Variants in CARMIL1 observed in about 807,000 individuals in gnomAD.
CARMIL1 encodes capping protein regulator and myosin 1 linker 1, also known as F-actin-uncapping protein LRRC16A.
In CARMIL1, 90 loss-of-function variants were observed where a neutral mutation model predicts 177.1. That is an observed-to-expected ratio of 0.51 (90% CI 0.43 to 0.61). The LOEUF (loss-of-function observed/expected upper bound fraction) is 0.61. Among genes scored for constraint, CARMIL1 ranks in the 20% least tolerant of loss-of-function variants. The pLI is 0.00. For synonymous variants in CARMIL1, 577 were observed against 606.2 expected (o/e 0.95, Z 0.71); for missense variants, 1,380 against 1,667.0 (o/e 0.83, Z 3.00).
At chr6:25,410,321 G>A (rs908872887) in intron 2 of CARMIL1, among the ~76,000 whole-genome samples, 1 of 152,168 alleles carries the variant, frequency 6.6e-6, no homozygotes, top group Non-Finnish European at 1.5e-5. Context: ...TGCGGCAATA[G>A]ACTTACAGTA....
intron 34 of CARMIL1, 63 bp from the exon 35 acceptor site, chr6:25,605,998 T>A: frequency 8.4e-7 from 1 of 1,187,834 alleles, no homozygotes; most frequent in Non-Finnish European, 1.2e-6. Context: ...TGTACCAGAC[T>A]TCTAGCTTCA....
chr6:25,378,693 A>C (rs553941910), intron 2 of CARMIL1, among the ~76,000 whole-genome samples: 1 of 152,202 alleles, frequency 6.6e-6, no homozygotes, highest in East Asian at 1.9e-4. Flanking sequence ...CAGGTTCCCC[A>C]GTAGGAGTGC....
chr6:25,427,765 G>C (rs970462912), intron 4 of CARMIL1, among the ~76,000 whole-genome samples: 7 of 152,146 alleles, frequency 4.6e-5, no homozygotes, highest in Non-Finnish European at 1.0e-4. Context: ...AGTATGTAGT[G>C]CTTTTTCATT....
At chr6:25,602,810 C>A (rs1011285878) in intron 33 of CARMIL1, among the ~76,000 whole-genome samples, 1 of 152,082 alleles carries the variant, frequency 6.6e-6, no homozygotes, top group Non-Finnish European at 1.5e-5. Context: ...ATAAGTAATT[C>A]TCTTTGCGTT....
chr6:25,453,633 C>T (rs1047451275), intron 8 of CARMIL1, among the ~76,000 whole-genome samples: 4 of 152,166 alleles, frequency 2.6e-5, no homozygotes, highest in African/African-American at 7.2e-5. Context: ...GGAGCTTGTG[C>T]CAGTGAAGAC....
At chr6:25,368,611 T>C (rs375918756) in intron 2 of CARMIL1, among the ~76,000 whole-genome samples, 50 of 152,324 alleles carry the variant, frequency 3.3e-4, no homozygotes, top group African/African-American at 1.1e-3. Context: ...ATATAACCAA[T>C]AACATAAGAC....
chr6:25,365,253 G>A (rs1335886294), intron 2 of CARMIL1, among the ~76,000 whole-genome samples: 2 of 152,182 alleles, frequency 1.3e-5, no homozygotes, highest in Non-Finnish European at 2.9e-5. Flanking sequence ...GATGGTTGTA[G>A]TATAGAGAAT....
At chr6:25,451,438 T>C (rs962010975) in intron 8 of CARMIL1, among the ~76,000 whole-genome samples, 2 of 152,208 alleles carry the variant, frequency 1.3e-5, no homozygotes, top group Non-Finnish European at 2.9e-5. Flanking sequence ...AGGGTGTATA[T>C]GTGTATGTTG....
chr6:25,412,401 G>A (rs1794981373), intron 2 of CARMIL1, among the ~76,000 whole-genome samples: 1 of 152,192 alleles, frequency 6.6e-6, no homozygotes, highest in Non-Finnish European at 1.5e-5. Context: ...GGGAAACATG[G>A]CAATACCCCA....
At chr6:25,390,784 G>T (rs1342247960) in intron 2 of CARMIL1, among the ~76,000 whole-genome samples, 1 of 152,006 alleles carries the variant, frequency 6.6e-6, no homozygotes, top group Non-Finnish European at 1.5e-5. Context: ...TCTGCCTCCT[G>T]GGTTCAAGTG....
intron 2 of CARMIL1, among the ~76,000 whole-genome samples, chr6:25,389,970 G>C (rs941976985): frequency 3.9e-5 from 6 of 151,946 alleles, no homozygotes; most frequent in African/African-American, 1.5e-4. Flanking sequence ...AGATTTTTCT[G>C]GTGGCAATTG....
intron 32 of CARMIL1, among the ~76,000 whole-genome samples, chr6:25,599,143 C>T (rs536176207): frequency 1.6e-4 from 24 of 152,252 alleles, no homozygotes; most frequent in Admixed American, 1.3e-3. Context: ...GGAGAGGATC[C>T]GATGAATTTT....
rs369222295 is a variant in CARMIL1 at position 25,619,547 on chromosome 6, C to T, written c.4080C>T (p.Ser1360=). The change falls in exon 37 of 37, where the codon TCC becomes TCT. Residue 1360 remains serine, a synonymous_variant. Transcript: ENST00000329474. The part of the protein sequence containing the change: ...DGHQGSKSND[S]GEEAEKEFIF... ...ATCAAGGCAGCAAATCTAATGACTC[C>T]GGGGAAGAAGCAGAAAAAGAGTTTA... 28 of 1,613,664 alleles carry T rather than the reference C, an allele frequency of 1.7e-5. No individual in the cohort carries two copies. The highest frequency in any genetic ancestry group is 1.1e-4 in the African/African-American group (8 of 74,870).
intron 8 of CARMIL1, among the ~76,000 whole-genome samples, chr6:25,451,596 A>C (rs1033066721): frequency 5.3e-5 from 8 of 152,106 alleles, no homozygotes; most frequent in Non-Finnish European, 1.2e-4. Flanking sequence ...CCTCAGAGAA[A>C]AGCTTCATTT....
intron 9 of CARMIL1, among the ~76,000 whole-genome samples, chr6:25,468,160 C>A (rs1276341595): frequency 1.3e-5 from 2 of 151,328 alleles, no homozygotes; most frequent in African/African-American, 4.9e-5. Flanking sequence ...TCTTATGAAG[C>A]AAATTAGCAA....
chr6:25,609,398 G>GGA (rs1816304940), intron 35 of CARMIL1, among the ~76,000 whole-genome samples: 1 of 151,522 alleles, frequency 6.6e-6, no homozygotes, highest in African/African-American at 2.4e-5. Context: ...CCCAGGAGGC[G>GGA]GAGGTTGCAG....
At chr6:25,463,819 C>CTTTTTTTTT (rs68160209) in intron 8 of CARMIL1, among the ~76,000 whole-genome samples, 6 of 108,496 alleles carry the variant, frequency 5.5e-5, no homozygotes, top group African/African-American at 1.1e-4. Flanking sequence ...AGTTGTTCTC[C>CTTTTTTTTT]TTTTTTTTTT....
intron 3 of CARMIL1, among the ~76,000 whole-genome samples, chr6:25,423,474 A>G (rs1052808527): frequency 6.6e-6 from 1 of 152,190 alleles, no homozygotes; most frequent in Non-Finnish European, 1.5e-5. Flanking sequence ...ATACTGGCCA[A>G]AAGGCTTAGC....
intron 23 of CARMIL1, among the ~76,000 whole-genome samples, chr6:25,524,534 T>C (rs1806901984): frequency 1.3e-5 from 2 of 152,202 alleles, no homozygotes; most frequent in Non-Finnish European, 2.9e-5. Flanking sequence ...AAAGGCTGAT[T>C]ACCTCAGGTT....
Sources: allele counts gnomAD v4.1 joint callset (sites outside exome capture counted in the v4.1 genomes callset), GRCh38; gene constraint gnomAD v4.1.1; transcripts MANE v1.5; gene names NCBI Gene and HGNC (gene_info 2026-07-23, HGNC 2026-07-21).